PLCB1: variants seen among roughly 807,000 people sequenced by gnomAD.
The protein encoded by PLCB1 is phospholipase C beta 1, also known as 1-phosphatidylinositol 4,5-bisphosphate phosphodiesterase beta-1.
PLCB1 carries 46 observed loss-of-function variants against 161.8 expected under a neutral mutation model. That is an observed-to-expected ratio of 0.28 (90% CI 0.22 to 0.36). The LOEUF is 0.36. Among genes scored for constraint, PLCB1 ranks in the 10% least tolerant of loss-of-function variants. PLCB1 has a pLI of 1.00. For synonymous variants in PLCB1, 517 were observed against 503.7 expected, an observed-to-expected ratio of 1.03 and a Z score of -0.35; for missense variants, 1,016 against 1,472.5, an observed-to-expected ratio of 0.69 and a Z score of 5.07.
intron 2 of PLCB1, among the ~76,000 whole-genome samples, chr20:8,196,656 A>G (rs967364690): frequency 6.7e-6 from 1 of 149,152 alleles, no homozygotes; most frequent in African/African-American, 2.5e-5. Flanking sequence ...TTCTTTATAT[A>G]TATATATAAA....
chr20:8,377,020 T>G (rs1241932947), intron 3 of PLCB1, among the ~76,000 whole-genome samples: 3 of 152,086 alleles, frequency 2.0e-5, no homozygotes, highest in Non-Finnish European at 4.4e-5. Context: ...GGAGGCAAAT[T>G]TCAAGCTACC....
intron 10 of PLCB1, among the ~76,000 whole-genome samples, chr20:8,689,672 A>G (rs768903863): frequency 9.2e-5 from 14 of 152,166 alleles, no homozygotes; most frequent in Non-Finnish European, 2.1e-4. Context: ...AATGTAGTTC[A>G]AATTTGTGTA....
intron 2 of PLCB1, among the ~76,000 whole-genome samples, chr20:8,195,861 AT>A (rs2052018488): frequency 6.6e-6 from 1 of 152,070 alleles, no homozygotes; most frequent in Non-Finnish European, 1.5e-5. Context: ...GTATTAGTCG[AT>A]TCTCACACTG....
At chr20:8,833,237 G>A (rs1231746978) in intron 31 of PLCB1, among the ~76,000 whole-genome samples, 1 of 152,198 alleles carries the variant, frequency 6.6e-6, no homozygotes, top group African/African-American at 2.4e-5. Flanking sequence ...TGGCTGGGGA[G>A]GTCTCACAAT....
intron 31 of PLCB1, among the ~76,000 whole-genome samples, chr20:8,823,178 A>G (rs1448957085): frequency 6.6e-6 from 1 of 152,212 alleles, no homozygotes; most frequent in Non-Finnish European, 1.5e-5. Flanking sequence ...GCTGGAGTAC[A>G]GTGACGCAAT....
intron 2 of PLCB1, among the ~76,000 whole-genome samples, chr20:8,315,002 T>C (rs769078690): frequency 6.6e-6 from 1 of 152,204 alleles, no homozygotes; most frequent in Non-Finnish European, 1.5e-5. Flanking sequence ...TATGAGTCTG[T>C]AGTCTTCACA....
chr20:8,653,438 G>A (rs928425201), intron 7 of PLCB1: 5 of 151,800 alleles, frequency 3.3e-5, no homozygotes, highest in East Asian at 3.9e-4. Flanking sequence ...TAAGTATTCC[G>A]TTCATTATGA....
intron 4 of PLCB1, among the ~76,000 whole-genome samples, chr20:8,638,984 T>TCTTTTCTTTTCTTTTCTTTTC (rs1555778862): frequency 1.1e-5 from 1 of 89,548 alleles, no homozygotes; most frequent in African/African-American, 4.3e-5. Flanking sequence ...TCTTTTCTTT[T>TCTTTTCTTTTCTTTTCTTTTC]TTTCTCATGT....
chr20:8,481,045 A>G (rs944612618), intron 3 of PLCB1, among the ~76,000 whole-genome samples: 1 of 152,222 alleles, frequency 6.6e-6, no homozygotes, highest in Admixed American at 6.5e-5. Context: ...CAAAGGTTGC[A>G]GTGAGCCAAG....
chr20:8,486,147 T>A (rs1013538633), intron 3 of PLCB1, among the ~76,000 whole-genome samples: 2 of 152,110 alleles, frequency 1.3e-5, no homozygotes, highest in African/African-American at 4.8e-5. Flanking sequence ...ATGATCCAAT[T>A]ACCTCCACGG....
chr20:8,577,299 G>A (rs546965330), intron 3 of PLCB1, among the ~76,000 whole-genome samples: 67 of 151,230 alleles, frequency 4.4e-4, no homozygotes, highest in African/African-American at 1.4e-3. Context: ...TTAGCTGGGC[G>A]TGGTGGCGGG....
intron 9 of PLCB1, among the ~76,000 whole-genome samples, 199 bp downstream of exon 9, chr20:8,658,903 G>C (rs1989545271): frequency 6.6e-6 from 1 of 152,092 alleles, no homozygotes; most frequent in Admixed American, 6.6e-5. Context: ...TGTCATTGTT[G>C]TTATATGTAT....
intron 3 of PLCB1, among the ~76,000 whole-genome samples, chr20:8,385,273 AGTCAGG>A (rs2122404948): frequency 6.6e-6 from 1 of 152,228 alleles, no homozygotes; most frequent in East Asian, 1.9e-4. Context: ...AGAAAGGATG[AGTCAGG>A]GTCAGGCCTG....
At chr20:8,468,670 A>G (rs1238242292) in intron 3 of PLCB1, among the ~76,000 whole-genome samples, 4 of 152,198 alleles carry the variant, frequency 2.6e-5, no homozygotes, top group African/African-American at 9.6e-5. Flanking sequence ...TCAATACATC[A>G]AATGGTATGT....
chr20:8,726,363 C>T (rs1979933204), intron 16 of PLCB1, among the ~76,000 whole-genome samples: 2 of 152,112 alleles, frequency 1.3e-5, no homozygotes, highest in South Asian at 4.1e-4. Context: ...GCACATCCTC[C>T]TCTCTGGCCT....
intron 3 of PLCB1, among the ~76,000 whole-genome samples, chr20:8,483,049 T>C (rs1442321619): frequency 6.6e-6 from 1 of 152,060 alleles, no homozygotes; most frequent in Non-Finnish European, 1.5e-5. Flanking sequence ...TCGATGGAAA[T>C]AATCAAAAAG....
intron 3 of PLCB1, among the ~76,000 whole-genome samples, chr20:8,442,308 G>C (rs553332383): frequency 6.6e-6 from 1 of 152,218 alleles, no homozygotes; most frequent in Non-Finnish European, 1.5e-5. Context: ...GGCAGGTTTC[G>C]TTGTCTGTGA....
At chr20:8,215,893 T>C (rs1168722158) in intron 2 of PLCB1, among the ~76,000 whole-genome samples, 3 of 152,008 alleles carry the variant, frequency 2.0e-5, no homozygotes, top group Non-Finnish European at 2.9e-5. Context: ...CAGGGAGCAG[T>C]ACACACATCG....
At chr20:8,861,219 G>A (rs976569127) in intron 31 of PLCB1, among the ~76,000 whole-genome samples, 2 of 152,146 alleles carry the variant, frequency 1.3e-5, no homozygotes, top group Non-Finnish European at 2.9e-5. Context: ...ATCCCAAGTA[G>A]GAAATGCAAA....
Sources: gnomAD v4.1 joint callset for allele counts (sites outside exome capture counted in the v4.1 genomes callset) on GRCh38, gnomAD v4.1.1 for gene constraint, MANE v1.5 for transcripts, NCBI Gene and HGNC (gene_info 2026-07-23, HGNC 2026-07-21) for gene names.